Variants in CTNND2 observed in about 807,000 individuals in gnomAD.
The protein encoded by CTNND2 is catenin delta-2.
In CTNND2, 22 loss-of-function variants were observed where a neutral mutation model predicts 144.4. That is an observed-to-expected ratio of 0.15 (90% CI 0.11 to 0.22). The LOEUF is 0.22. Ranked by LOEUF, CTNND2 falls within the 10% of genes least tolerant of loss-of-function variation. The pLI is 1.00. For synonymous variants in CTNND2, 751 were observed against 695.6 expected (o/e 1.08, Z -1.25); for missense variants, 1,353 against 1,618.8 (o/e 0.84, Z 2.82).
intron 3 of CTNND2, among the ~76,000 whole-genome samples, chr5:11,423,991 A>G (rs1211247674): frequency 1.3e-5 from 2 of 152,192 alleles, no homozygotes; most frequent in Non-Finnish European, 2.9e-5. Flanking sequence ...CATGTACAAC[A>G]ATTTTTTGTG....
chr5:11,658,604 C>T (rs1024787861), intron 2 of CTNND2, among the ~76,000 whole-genome samples: 6 of 152,212 alleles, frequency 3.9e-5, no homozygotes, highest in African/African-American at 1.4e-4. Context: ...AACTGACATC[C>T]CTCATCTTTG....
chr5:11,612,988 ATAAT>A (rs1780407675), intron 2 of CTNND2, among the ~76,000 whole-genome samples: 1 of 152,242 alleles, frequency 6.6e-6, no homozygotes, highest in Non-Finnish European at 1.5e-5. Context: ...ATTAATTTCC[ATAAT>A]TAATAGAGTC....
chr5:11,565,872 T>C (rs1325976593), intron 2 of CTNND2, among the ~76,000 whole-genome samples: 1 of 152,156 alleles, frequency 6.6e-6, no homozygotes, highest in East Asian at 1.9e-4. Flanking sequence ...CCAGAGCAAA[T>C]CATGTATTTT....
intron 3 of CTNND2, among the ~76,000 whole-genome samples, chr5:11,564,624 A>G (rs944244469): frequency 1.3e-5 from 2 of 152,202 alleles, no homozygotes; most frequent in Non-Finnish European, 2.9e-5. Flanking sequence ...TACGAAAAAA[A>G]AAAAAAGTCC....
chr5:11,539,940 A>G (rs1487287494), intron 3 of CTNND2, among the ~76,000 whole-genome samples: 1 of 152,190 alleles, frequency 6.6e-6, no homozygotes, highest in Non-Finnish European at 1.5e-5. Flanking sequence ...AGGCTGAGGC[A>G]GGAGAATTGC....
chr5:11,860,143 AT>A (rs1243194032), intron 1 of CTNND2, among the ~76,000 whole-genome samples: 5 of 152,192 alleles, frequency 3.3e-5, no homozygotes, highest in Non-Finnish European at 4.4e-5. Context: ...AAACTTGACA[AT>A]TTTATCAGAT....
chr5:11,417,920 C>T (rs1170962014), intron 3 of CTNND2, among the ~76,000 whole-genome samples: 3 of 152,066 alleles, frequency 2.0e-5, no homozygotes, highest in Non-Finnish European at 4.4e-5. Flanking sequence ...GAAAAATAAA[C>T]AAATATAATA....
rs571921262 is a variant in CTNND2 at position 11,028,708 on chromosome 5, C to G, written c.2789-5729G>C. Among the ~76,000 whole-genome samples the G allele has an allele frequency of 5.3e-5, 8 of 152,220 alleles. No homozygotes were observed. The South Asian group carries it at 1.7e-3, about 32-fold the overall frequency. On this transcript the variant is annotated intron_variant, in intron 16 of 21. Transcript: ENST00000304623. ...GTTGTAGCATATGTCAGAATGTACACTCTTTTTTTCTTTTTTTCCAAGCAG... is the reference window on the plus strand; with the variant it reads ...GTTGTAGCATATGTCAGAATGTACAGTCTTTTTTTCTTTTTTTCCAAGCAG...
At chr5:11,179,953 T>C (rs1760839428) in intron 11 of CTNND2, among the ~76,000 whole-genome samples, 1 of 152,214 alleles carries the variant, frequency 6.6e-6, no homozygotes, top group Admixed American at 6.5e-5. Flanking sequence ...GCTCTGCTCA[T>C]TGAAGAAATA....
chr5:11,704,198 C>T (rs140703223), intron 2 of CTNND2, among the ~76,000 whole-genome samples: 327 of 152,256 alleles, frequency 2.1e-3, no homozygotes, highest in African/African-American at 6.9e-3. Context: ...AATCTTGTTC[C>T]GGCCTGACCT....
chr5:11,144,858 C>T (rs527738450), intron 12 of CTNND2, among the ~76,000 whole-genome samples: 7 of 152,204 alleles, frequency 4.6e-5, no homozygotes, highest in African/African-American at 1.2e-4. Context: ...ATGCATAAGA[C>T]GACCCAGTGC....
At chr5:11,526,744 C>T (rs1229768655) in intron 3 of CTNND2, among the ~76,000 whole-genome samples, 1 of 152,142 alleles carries the variant, frequency 6.6e-6, no homozygotes, top group Non-Finnish European at 1.5e-5. Flanking sequence ...CCAGCCATTC[C>T]ACTCCTAGGT....
At chr5:11,761,723 T>C (rs1433159781) in intron 1 of CTNND2, among the ~76,000 whole-genome samples, 1 of 152,186 alleles carries the variant, frequency 6.6e-6, no homozygotes, top group African/African-American at 2.4e-5. Flanking sequence ...AAACTCTGTT[T>C]TGGCTGTAAA....
chr5:10,977,965 T>C (rs1221695569), intron 21 of CTNND2, among the ~76,000 whole-genome samples: 1 of 152,206 alleles, frequency 6.6e-6, no homozygotes, highest in Non-Finnish European at 1.5e-5. Flanking sequence ...TCACTGTCTT[T>C]TGCCTTATCT....
chr5:11,069,494 C>T (rs985876589), intron 16 of CTNND2, among the ~76,000 whole-genome samples: 1 of 152,032 alleles, frequency 6.6e-6, no homozygotes, highest in African/African-American at 2.4e-5. Context: ...GAGAGAGTGT[C>T]CAACTGGAAA....
chr5:11,513,578 T>C (rs1054655249), intron 3 of CTNND2, among the ~76,000 whole-genome samples: 2 of 152,150 alleles, frequency 1.3e-5, no homozygotes, highest in African/African-American at 4.8e-5. Flanking sequence ...ATTATCTCTA[T>C]TACAGAAAAA....
At chr5:11,306,657 G>A (rs987290427) in intron 9 of CTNND2, among the ~76,000 whole-genome samples, 1 of 152,162 alleles carries the variant, frequency 6.6e-6, no homozygotes, top group Non-Finnish European at 1.5e-5. Flanking sequence ...TGTTATGCAA[G>A]GCCCAACTAT....
intron 1 of CTNND2, among the ~76,000 whole-genome samples, chr5:11,741,433 C>T (rs2126764434): frequency 6.6e-6 from 1 of 152,144 alleles, no homozygotes; most frequent in South Asian, 2.1e-4. Context: ...ATGGATGAAG[C>T]TGGAAACCAT....
intron 1 of CTNND2, among the ~76,000 whole-genome samples, chr5:11,854,899 T>C (rs1795182446): frequency 6.6e-6 from 1 of 152,234 alleles, no homozygotes; most frequent in Admixed American, 6.5e-5. Context: ...TGTAAAACTA[T>C]AAATTCAGAA....
Sources: allele counts gnomAD v4.1 joint callset (sites outside exome capture counted in the v4.1 genomes callset), GRCh38; gene constraint gnomAD v4.1.1; transcripts MANE v1.5; gene names NCBI Gene and HGNC (gene_info 2026-07-23, HGNC 2026-07-21).